Variants in NSD1 observed in about 807,000 individuals in gnomAD.
NSD1 encodes nuclear receptor binding SET domain protein 1.
NSD1 carries 26 observed loss-of-function variants against 242.7 expected under a neutral mutation model. The observed-to-expected ratio is 0.11, with a 90% CI of 0.08 to 0.15. The LOEUF is 0.15. Among genes scored for constraint, NSD1 ranks in the 10% least tolerant of loss-of-function variants. The pLI is 1.00. For synonymous variants in NSD1, 1,106 were observed against 1,178.1 expected (o/e 0.94, Z 1.25); for missense variants, 2,495 against 3,272.8 (o/e 0.76, Z 5.80).
chr5:177,289,320 C>CA (rs911985681), intron 21 of NSD1, among the ~76,000 whole-genome samples: 136 of 140,760 alleles, frequency 9.7e-4, no homozygotes, highest in African/African-American at 1.3e-3. Flanking sequence ...GACTCCTTCT[C>CA]AAAAAAAAAA....
chr5:177,165,546 T>A (rs1759113119), intron 2 of NSD1, among the ~76,000 whole-genome samples: 1 of 152,158 alleles, frequency 6.6e-6, no homozygotes, highest in African/African-American at 2.4e-5. Context: ...GGGATATGAT[T>A]CGCAAATTTT....
intron 2 of NSD1, among the ~76,000 whole-genome samples, chr5:177,150,803 C>G (rs1030481923): frequency 6.6e-6 from 1 of 152,104 alleles, no homozygotes; most frequent in Non-Finnish European, 1.5e-5. Flanking sequence ...TCTCTTGATG[C>G]TGTAATTGGA....
intron 12 of NSD1, among the ~76,000 whole-genome samples, chr5:177,255,782 A>G (rs1481784715): frequency 6.6e-6 from 1 of 152,032 alleles, no homozygotes. Flanking sequence ...ACGGTGTCTC[A>G]CTATGTTCCC....
At chr5:177,151,279 G>A (rs1757674614) in intron 2 of NSD1, among the ~76,000 whole-genome samples, 1 of 152,218 alleles carries the variant, frequency 6.6e-6, no homozygotes, top group South Asian at 2.1e-4. Context: ...GGGAGGCTGA[G>A]GCAGGAGAAT....
chr5:177,294,129 C>A lies in NSD1; in HGVS notation c.6761C>A (p.Pro2254His). The A allele has an allele frequency of 6.2e-7, 1 of 1,614,150 alleles. No homozygotes were observed. The highest frequency in any genetic ancestry group is 1.3e-5 in the African/African-American group (1 of 75,038). ...AAQAPKMSDK[P>H]PADTNQMLSL... is the part of the protein sequence containing the mutation. ...CAGGCACCCAAAATGTCAGATAAAC[C>A]TCCTGCTGACACCAACCAGATGCTG... Residue 2254 changes from proline to histidine, a missense_variant, in exon 23 of 23, where the codon CCT becomes CAT. This residue lies in a region of NSD1 where 475 missense variants were observed against 563.7 expected (regional missense o/e 0.84). Coordinates refer to ENST00000439151, the MANE Select transcript of NSD1 (RefSeq NM_022455.5).
chr5:177,257,242 T>C, intron 13 of NSD1, 91 bp downstream of exon 13: 1 of 1,168,622 alleles, frequency 8.6e-7, no homozygotes, highest in Non-Finnish European at 1.2e-6. Flanking sequence ...TTTTTTTTTT[T>C]TTTTTGGAGA....
chr5:177,188,122 G>A (rs777591940), intron 2 of NSD1, among the ~76,000 whole-genome samples: 5 of 152,152 alleles, frequency 3.3e-5, no homozygotes, highest in Admixed American at 1.3e-4. Flanking sequence ...TCGTCTTTGT[G>A]TGTCTTGTTG....
chr5:177,254,358 A>G (rs1309409782), intron 12 of NSD1, among the ~76,000 whole-genome samples: 1 of 152,182 alleles, frequency 6.6e-6, no homozygotes, highest in Non-Finnish European at 1.5e-5. Context: ...GTCATAGCTA[A>G]GAAGTTTTGC....
At chr5:177,168,261 A>G (rs1167756769) in intron 2 of NSD1, among the ~76,000 whole-genome samples, 1 of 152,062 alleles carries the variant, frequency 6.6e-6, no homozygotes, top group Non-Finnish European at 1.5e-5. Flanking sequence ...TTACTTAATG[A>G]TTTTTTAACT....
At chr5:177,168,752 T>C (rs1759448795) in intron 2 of NSD1, among the ~76,000 whole-genome samples, 1 of 152,166 alleles carries the variant, frequency 6.6e-6, no homozygotes, top group Non-Finnish European at 1.5e-5. Flanking sequence ...TGAGCCACCA[T>C]GCCCGACCAG....
In NSD1 at chr5:177,165,660, A is replaced by C. The variant is rs184364693; in HGVS notation, c.928-26224A>C. The stretch of plus-strand genomic sequence containing the variant: ...CAGGCTAGAGTACAGTGGTGTGATC[A>C]TAGCTTACTACAGCCTCGACTTCCC... On this transcript the variant is annotated intron_variant, in intron 2 of 22. Transcript: ENST00000439151. Among the ~76,000 whole-genome samples, 3 of 152,182 alleles carry C rather than the reference A, an allele frequency of 2.0e-5. No homozygotes were observed. The East Asian group carries it at 5.8e-4, about 29-fold the overall frequency.
chr5:177,257,225 T>TTTA, intron 13 of NSD1, 74 bp downstream of exon 13: 6 of 1,182,952 alleles, frequency 5.1e-6, no homozygotes, highest in Non-Finnish European at 7.1e-6. Context: ...TTCTTTTTTC[T>TTTA]TTCTTTTTTT....
chr5:177,242,073 T>TTGTGTGTGTGCA (rs1413033466), intron 8 of NSD1, among the ~76,000 whole-genome samples: 1 of 152,072 alleles, frequency 6.6e-6, no homozygotes, highest in Non-Finnish European at 1.5e-5. Flanking sequence ...GGTATGATTG[T>TTGTGTGTGTGCA]TGTGTGTGTG....
chr5:177,179,729 A>G (rs746180929), intron 2 of NSD1, among the ~76,000 whole-genome samples: 2 of 152,158 alleles, frequency 1.3e-5, no homozygotes, highest in Non-Finnish European at 2.9e-5. Context: ...CAACAGAAGG[A>G]TTTTGAGAAG....
At position 177,273,981 on chromosome 5, in the gene NSD1, G is replaced by A. The variant is rs559027489; in HGVS notation, c.5622+197G>A. ...AGCACTTTGGGAGGCCGAGGCGGGC[G>A]GATCACCTGAAGTCAGGAGTTTGAG... On this transcript the variant is annotated intron_variant, in intron 17 of 22. Transcript: ENST00000439151. Among the ~76,000 whole-genome samples the A allele has an allele frequency of 3.3e-5, 5 of 152,176 alleles. No individual in the cohort carries two copies. In the East Asian group the frequency reaches 5.8e-4, roughly 18 times the overall value.
At chr5:177,179,451 G>A (rs1468052792) in intron 2 of NSD1, among the ~76,000 whole-genome samples, 1 of 152,200 alleles carries the variant, frequency 6.6e-6, no homozygotes, top group Non-Finnish European at 1.5e-5. Context: ...CTGACCTCTG[G>A]TGATCCGCCC....
intron 15 of NSD1, 37 bp downstream of exon 15, chr5:177,267,755 CCT>C: frequency 6.2e-7 from 1 of 1,604,106 alleles, no homozygotes. Flanking sequence ...CTTTTACCAT[CCT>C]CTGTTTCTTG....
intron 14 of NSD1, chr5:177,265,769 G>C: frequency 6.7e-7 from 1 of 1,494,414 alleles, no homozygotes. Context: ...CAGGGACTCG[G>C]GTATGGTGGA....
chr5:177,265,134 G>A, intron 14 of NSD1: 1 of 757,714 alleles, frequency 1.3e-6, no homozygotes, highest in Admixed American at 1.7e-5. Flanking sequence ...GTTAACCTGG[G>A]TTCAACTGAA....
Sources: gnomAD v4.1 joint callset for allele counts (sites outside exome capture counted in the v4.1 genomes callset) on GRCh38, gnomAD v4.1.1 for gene constraint, gnomAD v4.1.1 regional missense constraint, MANE v1.5 for transcripts, NCBI Gene and HGNC (gene_info 2026-07-23, HGNC 2026-07-21) for gene names.